Variants in NSMCE2 observed in about 807,000 individuals in gnomAD.
NSMCE2 encodes NSE2 SUMO ligase component of SMC5/6 complex, also known as E3 SUMO-protein ligase NSE2.
NSMCE2 carries 24 observed loss-of-function variants against 23.8 expected under a neutral mutation model. The ratio of observed to expected loss-of-function variants is 1.01; its 90% CI spans 0.73 to 1.42. NSMCE2 has a LOEUF of 1.42. Ranked by LOEUF, NSMCE2 falls within the 40% of genes most tolerant of loss-of-function variation. NSMCE2 has a pLI of 0.00. For missense variants in NSMCE2, 284 were observed against 296.5 expected (o/e 0.96, Z 0.31); for synonymous variants, 92 against 94.1 (o/e 0.98, Z 0.13).
At chr8:125,263,352 C>G (rs912910069) in intron 5 of NSMCE2, among the ~76,000 whole-genome samples, 1 of 152,132 alleles carries the variant, frequency 6.6e-6, no homozygotes, top group African/African-American at 2.4e-5. Context: ...GTTATACCTG[C>G]TGGCTCATGG....
chr8:125,203,021 A>G (rs546950206), intron 5 of NSMCE2, among the ~76,000 whole-genome samples: 2 of 152,308 alleles, frequency 1.3e-5, no homozygotes, highest in African/African-American at 4.8e-5. Context: ...GAACCTTCCT[A>G]TGCTCTGATG....
chr8:125,300,304 TG>T (rs548354259), intron 5 of NSMCE2, among the ~76,000 whole-genome samples: 354 of 151,348 alleles, frequency 2.3e-3, no homozygotes, highest in African/African-American at 7.7e-3. Context: ...CTCCACCTCC[TG>T]AGTACCTGGG....
intron 5 of NSMCE2, among the ~76,000 whole-genome samples, chr8:125,214,071 G>A (rs1824471583): frequency 6.6e-6 from 1 of 152,134 alleles, no homozygotes; most frequent in African/African-American, 2.4e-5. Flanking sequence ...TATTTATAGT[G>A]TTAATAAATG....
At chr8:125,194,056 T>C (rs1162540493) in intron 5 of NSMCE2, among the ~76,000 whole-genome samples, 1 of 152,210 alleles carries the variant, frequency 6.6e-6, no homozygotes, top group Non-Finnish European at 1.5e-5. Context: ...TGCATGACTG[T>C]ATTTCATAAG....
At chr8:125,363,576 G>A (rs1309469571) in intron 7 of NSMCE2, among the ~76,000 whole-genome samples, 1 of 139,144 alleles carries the variant, frequency 7.2e-6, no homozygotes, top group Non-Finnish European at 1.6e-5. Context: ...GGGAGGGGGA[G>A]GAGGGAGGGA....
chr8:125,093,093 C>T (rs368813666), intron 1 of NSMCE2, among the ~76,000 whole-genome samples: 42 of 152,284 alleles, frequency 2.8e-4, no homozygotes, highest in African/African-American at 8.4e-4. Context: ...GCTTCTGTAA[C>T]GGAAATGCCA....
chr8:125,226,372 G>A (rs1226465637), intron 5 of NSMCE2, among the ~76,000 whole-genome samples: 1 of 152,178 alleles, frequency 6.6e-6, no homozygotes. Flanking sequence ...CATTCGCGTG[G>A]GTCGTTTGTA....
At chr8:125,302,397 CAAG>C (rs1828601160) in intron 5 of NSMCE2, among the ~76,000 whole-genome samples, 1 of 152,026 alleles carries the variant, frequency 6.6e-6, no homozygotes, top group African/African-American at 2.4e-5. Context: ...CCAGGAGTGA[CAAG>C]GAGGTTCCCA....
chr8:125,256,078 T>G (rs561114767), intron 5 of NSMCE2, among the ~76,000 whole-genome samples: 1 of 151,918 alleles, frequency 6.6e-6, no homozygotes, highest in Non-Finnish European at 1.5e-5. Flanking sequence ...GGTCAAGAGA[T>G]CAAGACCATC....
At chr8:125,324,238 G>T (rs1829557047) in intron 5 of NSMCE2, among the ~76,000 whole-genome samples, 1 of 152,084 alleles carries the variant, frequency 6.6e-6, no homozygotes, top group South Asian at 2.1e-4. Flanking sequence ...ACTGCTGGTG[G>T]AAATGTAAAC....
intron 5 of NSMCE2, among the ~76,000 whole-genome samples, chr8:125,273,644 ATTCT>A (rs1827321806): frequency 6.6e-6 from 1 of 152,178 alleles, no homozygotes; most frequent in African/African-American, 2.4e-5. Flanking sequence ...CTTTTATTTA[ATTCT>A]TTATTTATAC....
intron 3 of NSMCE2, among the ~76,000 whole-genome samples, chr8:125,106,505 C>G (rs1818462396): frequency 6.6e-6 from 1 of 151,846 alleles, no homozygotes; most frequent in Non-Finnish European, 1.5e-5. Flanking sequence ...TGGTGAAACC[C>G]CATCTCTACT....
chr8:125,341,462 C>G (rs145517916), intron 5 of NSMCE2, among the ~76,000 whole-genome samples: 1 of 152,136 alleles, frequency 6.6e-6, no homozygotes, highest in Non-Finnish European at 1.5e-5. Context: ...GAGTCAGGCC[C>G]GTAGGCTTTG....
Position 125,217,391 on chromosome 8 carries a change from T to A in NSMCE2, c.418+35135T>A, listed in dbSNP as rs974919368. Among the ~76,000 whole-genome samples the A allele has an allele frequency of 2.0e-5, 3 of 152,186 alleles. No homozygotes were observed. The East Asian group carries it at 5.8e-4, about 29-fold the overall frequency. ...ATTTATTTATTTTGAGATGGAGTCT[T>A]GCTGTGTCACCCAGGCTGAAGTGCA... is the stretch of plus-strand genomic sequence containing the variant. On this transcript the variant is annotated intron_variant, in intron 5 of 7. Coordinates refer to ENST00000287437, the MANE Select transcript of NSMCE2 (RefSeq NM_173685.4).
chr8:125,243,121 C>T (rs981553994), intron 5 of NSMCE2, among the ~76,000 whole-genome samples: 2 of 152,066 alleles, frequency 1.3e-5, no homozygotes, highest in African/African-American at 4.8e-5. Flanking sequence ...AAGACATTGG[C>T]TCACCCCTGA....
At chr8:125,358,557 A>G (rs1449703505) in intron 7 of NSMCE2, among the ~76,000 whole-genome samples, 1 of 152,084 alleles carries the variant, frequency 6.6e-6, no homozygotes, top group Non-Finnish European at 1.5e-5. Flanking sequence ...ATGACCACGG[A>G]GGACCATGCT....
At chr8:125,287,784 C>T (rs949421861) in intron 5 of NSMCE2, among the ~76,000 whole-genome samples, 3 of 152,160 alleles carry the variant, frequency 2.0e-5, no homozygotes, top group Non-Finnish European at 2.9e-5. Flanking sequence ...ATTGGCAGCC[C>T]GATCTCTTCC....
chr8:125,223,955 G>A (rs1162986873), intron 5 of NSMCE2, among the ~76,000 whole-genome samples: 1 of 151,926 alleles, frequency 6.6e-6, no homozygotes, highest in Admixed American at 6.6e-5. Flanking sequence ...TCCCACTGTA[G>A]CCTCCCTGGT....
chr8:125,235,134 G>A (rs894769270), intron 5 of NSMCE2, among the ~76,000 whole-genome samples: 6 of 152,018 alleles, frequency 3.9e-5, no homozygotes, highest in Non-Finnish European at 7.4e-5. Context: ...CCAGCTACTC[G>A]GGAGGCTGAG....
Sources: gnomAD v4.1 joint callset for allele counts (sites outside exome capture counted in the v4.1 genomes callset) on GRCh38, gnomAD v4.1.1 for gene constraint, MANE v1.5 for transcripts, NCBI Gene and HGNC (gene_info 2026-07-23, HGNC 2026-07-21) for gene names.